The following LTBP1 variants were observed in gnomAD, a reference collection of about 807,000 sequenced individuals.
The protein encoded by LTBP1 is latent-transforming growth factor beta-binding protein 1.
LTBP1 carries 129 observed loss-of-function variants against 207.6 expected under a neutral mutation model. That is an observed-to-expected ratio of 0.62 (90% CI 0.54 to 0.72). The LOEUF (loss-of-function observed/expected upper bound fraction) is 0.72, where lower values mean the gene tolerates loss of function less well. LTBP1 is among the 30% of genes least tolerant of loss of function. The probability of loss-of-function intolerance (pLI) is 0.00; values close to 1 mark genes in which losing one functional copy is unlikely to be tolerated. For synonymous variants in LTBP1, 963 were observed against 833.7 expected (o/e 1.16, Z -2.67); for missense variants, 2,281 against 2,217.2 (o/e 1.03, Z -0.58).
chr2:33,026,085 ATAGT>A, intron 3 of LTBP1, among the ~76,000 whole-genome samples: 1 of 152,228 alleles, frequency 6.6e-6, no homozygotes, highest in East Asian at 1.9e-4. Context: ...AGCTATGCCA[ATAGT>A]TAAACACTTT....
chr2:33,393,847 G>T (rs1470980877), intron 32 of LTBP1, among the ~76,000 whole-genome samples: 2 of 152,160 alleles, frequency 1.3e-5, no homozygotes, highest in Non-Finnish European at 2.9e-5. Flanking sequence ...TCTAGTTCTA[G>T]ATCCTTGAGG....
intron 2 of LTBP1, among the ~76,000 whole-genome samples, chr2:32,995,804 AC>A (rs1685176400): frequency 6.6e-6 from 1 of 152,066 alleles, no homozygotes; most frequent in African/African-American, 2.4e-5. Flanking sequence ...AAACAAACAA[AC>A]AAAAACACCA....
At chr2:33,362,661 A>G (rs2094939783) in intron 28 of LTBP1, among the ~76,000 whole-genome samples, 1 of 152,194 alleles carries the variant, frequency 6.6e-6, no homozygotes. Flanking sequence ...CAAGTCATCT[A>G]TGGAGTCTTC....
intron 3 of LTBP1, among the ~76,000 whole-genome samples, chr2:33,080,273 C>T (rs1316551750): frequency 1.3e-5 from 2 of 152,174 alleles, no homozygotes; most frequent in Admixed American, 1.3e-4. Context: ...AGTGATCTGC[C>T]TGCCTTGGCT....
intron 23 of LTBP1, 33 bp downstream of exon 23, chr2:33,309,589 T>A: frequency 6.3e-7 from 1 of 1,596,824 alleles, no homozygotes; most frequent in Non-Finnish European, 8.5e-7. Flanking sequence ...CAGTCATTAT[T>A]TACGTAATTC....
At chr2:32,958,984 A>G (rs1572822245) in intron 2 of LTBP1, among the ~76,000 whole-genome samples, 1 of 152,310 alleles carries the variant, frequency 6.6e-6, no homozygotes, top group Admixed American at 6.5e-5. Context: ...ATGTTGTATG[A>G]TTTTCCCTGT....
chr2:33,345,607 T>C (rs114005192), intron 25 of LTBP1, among the ~76,000 whole-genome samples: 1 of 152,232 alleles, frequency 6.6e-6, no homozygotes, highest in African/African-American at 2.4e-5. Context: ...TATGTTATGG[T>C]ATTTTTCACA....
chr2:33,053,160 CG>C (rs2076828390), intron 3 of LTBP1, among the ~76,000 whole-genome samples: 1 of 152,160 alleles, frequency 6.6e-6, no homozygotes, highest in African/African-American at 2.4e-5. Context: ...CGTAAGCCAC[CG>C]CGCCTGGCCT....
In LTBP1 at chr2:32,977,252, A is replaced by AAG. The variant is rs1156239391; in HGVS notation, c.565+28308_565+28309dup. Among the ~76,000 whole-genome samples, 61 of 152,310 alleles carry AAG rather than the reference A, an allele frequency of 4.0e-4. 1 individual carries two copies. The highest frequency in any genetic ancestry group is 1.4e-3 in the African/African-American group (57 of 41,568). On this transcript the variant is annotated intron_variant, in intron 2 of 33. Transcript: ENST00000404816. ...AAGTCTGCCTGCTGAGTTCAGGCAG[A>AAG]AGCAGGACTGCTGGGTTGGAAGCTC...
At chr2:32,955,879 A>T (rs1266071048) in intron 2 of LTBP1, among the ~76,000 whole-genome samples, 3 of 152,206 alleles carry the variant, frequency 2.0e-5, no homozygotes, top group African/African-American at 7.2e-5. Context: ...GGAAAAATAC[A>T]TCAGGGTTGT....
At chr2:33,159,141 T>C (rs1304877287) in intron 5 of LTBP1, among the ~76,000 whole-genome samples, 2 of 152,222 alleles carry the variant, frequency 1.3e-5, no homozygotes, top group Non-Finnish European at 2.9e-5. Flanking sequence ...CCTAGCAAGC[T>C]GTGGCCTGGG....
At chr2:33,373,022 G>C (rs2095089107) in intron 31 of LTBP1, among the ~76,000 whole-genome samples, 1 of 152,182 alleles carries the variant, frequency 6.6e-6, no homozygotes, top group Admixed American at 6.5e-5. Flanking sequence ...AGGGATCCCA[G>C]TGTCTTTTTA....
intron 3 of LTBP1, among the ~76,000 whole-genome samples, chr2:33,033,640 T>C (rs1472215621): frequency 2.0e-5 from 3 of 151,616 alleles, no homozygotes; most frequent in South Asian, 4.2e-4. Flanking sequence ...ATGTGTGTGA[T>C]GTTCTACAGA....
At chr2:32,987,157 C>G (rs1683723378) in intron 2 of LTBP1, among the ~76,000 whole-genome samples, 1 of 152,114 alleles carries the variant, frequency 6.6e-6, no homozygotes, top group Non-Finnish European at 1.5e-5. Flanking sequence ...AAAAGTAGCC[C>G]CACATCACCC....
At chr2:32,967,136 C>T (rs890153498) in intron 2 of LTBP1, among the ~76,000 whole-genome samples, 1 of 151,890 alleles carries the variant, frequency 6.6e-6, no homozygotes, top group East Asian at 1.9e-4. Flanking sequence ...CTTTATTATT[C>T]CTTTAACGTT....
At chr2:33,246,707 C>T (rs2092526379) in intron 10 of LTBP1, among the ~76,000 whole-genome samples, 1 of 152,198 alleles carries the variant, frequency 6.6e-6, no homozygotes, top group African/African-American at 2.4e-5. Flanking sequence ...ACGGGAAGCA[C>T]TTTCTCTTCT....
At chr2:33,065,405 T>C (rs979763270) in intron 3 of LTBP1, among the ~76,000 whole-genome samples, 4 of 151,988 alleles carry the variant, frequency 2.6e-5, no homozygotes, top group African/African-American at 4.8e-5. Flanking sequence ...AATAAAAATA[T>C]TAGCTGGGTG....
chr2:33,346,137 G>A (rs2094697908), intron 25 of LTBP1, among the ~76,000 whole-genome samples: 1 of 152,182 alleles, frequency 6.6e-6, no homozygotes, highest in Admixed American at 6.5e-5. Flanking sequence ...TTGAAAAGGT[G>A]TCATGAGATC....
chr2:33,166,187 A>G (rs1389083878), intron 5 of LTBP1, among the ~76,000 whole-genome samples: 1 of 152,128 alleles, frequency 6.6e-6, no homozygotes, highest in Non-Finnish European at 1.5e-5. Flanking sequence ...ATTTTGTAAA[A>G]ATATTTCATT....
Sources: gnomAD v4.1 joint callset for allele counts (sites outside exome capture counted in the v4.1 genomes callset) on GRCh38, gnomAD v4.1.1 for gene constraint, MANE v1.5 for transcripts, NCBI Gene and HGNC (gene_info 2026-07-23, HGNC 2026-07-21) for gene names.